The following RCC1L variants were observed in gnomAD, a reference collection of about 807,000 sequenced individuals.
RCC1L encodes the protein RCC1 like.
A neutral mutation model predicts 58.6 loss-of-function variants in RCC1L; 46 were observed. That is an observed-to-expected ratio of 0.79 (90% confidence interval 0.62 to 1.00). The LOEUF (loss-of-function observed/expected upper bound fraction) is 1.00. Among genes scored for constraint, RCC1L ranks in the 50% least tolerant of loss-of-function variants. RCC1L has a pLI of 0.00. For missense variants in RCC1L, 636 were observed against 623.6 expected, an observed-to-expected ratio of 1.02 and a Z score of -0.21; for synonymous variants, 281 against 262.9, an observed-to-expected ratio of 1.07 and a Z score of -0.67.
In RCC1L at chr7:75,042,299, T is replaced by C. The variant is rs587670667; in HGVS notation, c.*733A>G. The C allele has an allele frequency of 0.014, 13,679 of 985,516 alleles. 95 individuals carry two copies. Among genetic ancestry groups the C allele is most frequent in the Non-Finnish European group, 0.015 (12,739 of 829,958 alleles). The allele number at this position is 985,516 out of a possible 1,614,324, so 61.0% of individuals were successfully genotyped here. A position where few individuals can be genotyped will look rare whatever the true frequency, so the allele number is the denominator to read the frequency against. ...AAACATTGTTCACAATTTCTGGATCTTCCTCCTCCGCCTGGCACTGCAGCT... is the reference window on the plus strand; with the variant it reads ...AAACATTGTTCACAATTTCTGGATCCTCCTCCTCCGCCTGGCACTGCAGCT... On this transcript the variant is annotated 3_prime_UTR_variant, in exon 11 of 11. Transcript: ENST00000610322.
At chr7:75,069,984 A>T (rs1806660143) in intron 2 of RCC1L, among the ~76,000 whole-genome samples, 1 of 152,214 alleles carries the variant, frequency 6.6e-6, no homozygotes. Context: ...TTTGGAATAA[A>T]GCCTCCATGT....
At chr7:75,033,459 G>A (rs2131968235) in intron 10 of RCC1L, among the ~76,000 whole-genome samples, 1 of 152,298 alleles carries the variant, frequency 6.6e-6, no homozygotes, top group African/African-American at 2.4e-5. Context: ...CACTTTGGGA[G>A]GCCGAGGCAG....
intron 9 of RCC1L, among the ~76,000 whole-genome samples, chr7:75,053,273 C>G (rs1805976544): frequency 7.9e-6 from 1 of 126,092 alleles, no homozygotes; most frequent in Non-Finnish European, 1.7e-5. Flanking sequence ...GTGCATGGAG[C>G]TGGGGTCTGG....
intron 2 of RCC1L, among the ~76,000 whole-genome samples, chr7:75,069,405 T>C (rs1387841772): frequency 6.7e-6 from 1 of 150,276 alleles, no homozygotes; most frequent in African/African-American, 2.5e-5. Context: ...AGAGTCTCGC[T>C]ATGTTGCCCA....
chr7:75,038,528 C>A (rs915016927), downstream of RCC1L, among the ~76,000 whole-genome samples: 12 of 147,540 alleles, frequency 8.1e-5, no homozygotes, highest in African/African-American at 2.7e-4. Flanking sequence ...CCGCTTCCCG[C>A]CTTTTTTTTT....
chr7:75,039,928 T>TG (rs1351070125), downstream of RCC1L, among the ~76,000 whole-genome samples: 2 of 151,896 alleles, frequency 1.3e-5, no homozygotes, highest in African/African-American at 4.8e-5. Context: ...TGTCAAATGC[T>TG]GGGGTTGGGG....
intron 6 of RCC1L, among the ~76,000 whole-genome samples, chr7:75,059,717 G>A (rs1806213872): frequency 1.3e-5 from 2 of 151,736 alleles, no homozygotes; most frequent in Non-Finnish European, 2.9e-5. Flanking sequence ...ATCACAACAA[G>A]CAATTTCTAA....
At chr7:75,030,885 G>A (rs1229119735) in intron 10 of RCC1L, among the ~76,000 whole-genome samples, 5 of 152,124 alleles carry the variant, frequency 3.3e-5, no homozygotes, top group Admixed American at 6.5e-5. Context: ...TGTGGGGGCC[G>A]GCACTCCCTC....
At chr7:75,052,952 A>C (rs1240256456) in intron 9 of RCC1L, among the ~76,000 whole-genome samples, 156 bp from the exon 10 acceptor site, 2 of 151,624 alleles carry the variant, frequency 1.3e-5, no homozygotes, top group African/African-American at 2.4e-5. Context: ...TGAAGGCAAA[A>C]GTAAGGGTCT....
chr7:75,056,892 G>C (rs1269680080), intron 8 of RCC1L, among the ~76,000 whole-genome samples: 3 of 152,110 alleles, frequency 2.0e-5, no homozygotes, highest in Non-Finnish European at 4.4e-5. Context: ...GCTCACTGCA[G>C]CTCGAACTCC....
At chr7:75,048,418 C>A (rs1033341017) in intron 10 of RCC1L, among the ~76,000 whole-genome samples, 3 of 152,184 alleles carry the variant, frequency 2.0e-5, no homozygotes, top group Non-Finnish European at 2.9e-5. Flanking sequence ...GGGGAAGCAC[C>A]GTCTACAGGC....
intron 1 of RCC1L, among the ~76,000 whole-genome samples, chr7:75,072,792 C>A (rs1373465823): frequency 6.6e-6 from 1 of 152,154 alleles, no homozygotes; most frequent in Non-Finnish European, 1.5e-5. Flanking sequence ...GTCTAGCAAA[C>A]ATGGCGAAAC....
intron 2 of RCC1L, among the ~76,000 whole-genome samples, chr7:75,067,426 T>G (rs1299754469): frequency 2.0e-5 from 3 of 151,974 alleles, no homozygotes; most frequent in Non-Finnish European, 4.4e-5. Flanking sequence ...GTCAGGAGTT[T>G]GATACCCACC....
At chr7:75,072,552 C>T (rs910907866) in intron 1 of RCC1L, among the ~76,000 whole-genome samples, 14 of 152,210 alleles carry the variant, frequency 9.2e-5, no homozygotes, top group African/African-American at 3.4e-4. Flanking sequence ...GTGAATTTAA[C>T]ACAGTGACAA....
chr7:75,061,308 G>T lies in RCC1L; in HGVS notation c.703-17C>A. On this transcript the variant is annotated splice_polypyrimidine_tract_variant and intron_variant, in intron 5 of 10. Coordinates refer to ENST00000610322, the MANE Select transcript of RCC1L (RefSeq NM_030798.5). The stretch of plus-strand genomic sequence containing the variant: ...ACAGGCGACCTAGCAGACAAACAGA[G>T]GTAAGGGGGATGAGAGGAAATACTT... 6.2e-7 allele frequency: 1 copy of T among 1,610,974 alleles called. No homozygotes were observed. The highest frequency in any genetic ancestry group is 8.5e-7 in the Non-Finnish European group (1 of 1,177,340).
intron 2 of RCC1L, among the ~76,000 whole-genome samples, chr7:75,068,320 CA>C (rs67141856): frequency 0.1 from 11,401 of 114,334 alleles, 531 homozygotes; most frequent in South Asian, 0.15. Context: ...AACTCTGACT[CA>C]AAAAAAAAAA....
chr7:75,042,608 G>A lies in RCC1L; in HGVS notation c.*424C>T, dbSNP rs1005144791. The A allele has an allele frequency of 9.9e-6, 10 of 1,005,306 alleles. No individual in the cohort carries two copies. The African/African-American group carries it at 1.2e-4, about 12-fold the overall frequency. The allele number at this position is 1,005,306 out of a possible 1,614,324, so 62.3% of individuals were successfully genotyped here. On this transcript the variant is annotated 3_prime_UTR_variant, in exon 11 of 11. Coordinates refer to ENST00000610322, the MANE Select transcript of RCC1L (RefSeq NM_030798.5). The stretch of plus-strand genomic sequence containing the variant: ...GACTCCCTCGCCTAAGCTGGGGCTC[G>A]GTCCGAGGCACACGCATGGCCTTGG...
chr7:75,035,841 C>T (rs1164904440), intron 10 of RCC1L, among the ~76,000 whole-genome samples: 2 of 151,896 alleles, frequency 1.3e-5, no homozygotes, highest in African/African-American at 2.4e-5. Flanking sequence ...CCCATCTCTA[C>T]AAAAAATTTT....
chr7:75,060,754 A>G (rs1417631803), intron 6 of RCC1L, among the ~76,000 whole-genome samples: 2 of 151,754 alleles, frequency 1.3e-5, no homozygotes, highest in Non-Finnish European at 2.9e-5. Context: ...TTTCTATGGG[A>G]GCCAGGGCTG....
Sources: gnomAD v4.1 joint callset for allele counts (sites outside exome capture counted in the v4.1 genomes callset) on GRCh38, gnomAD v4.1.1 for gene constraint, MANE v1.5 for transcripts, NCBI Gene and HGNC (gene_info 2026-07-23, HGNC 2026-07-21) for gene names.